The following SLC48A1 variants were observed in gnomAD, a reference collection of about 807,000 sequenced individuals.
SLC48A1 encodes the protein heme transporter HRG1.
Under a neutral mutation model 14.8 loss-of-function variants are expected in SLC48A1, and 6 were observed. The ratio of observed to expected loss-of-function variants is 0.41; its 90% confidence interval spans 0.22 to 0.80. SLC48A1 has a LOEUF of 0.80. Ranked by LOEUF, SLC48A1 falls within the 30% of genes least tolerant of loss-of-function variation. The pLI, the probability that SLC48A1 is intolerant of heterozygous loss-of-function variation, is 0.34. For synonymous variants in SLC48A1, 89 were observed against 90.0 expected, an observed-to-expected ratio of 0.99 and a Z score of 0.06; for missense variants, 165 against 204.8, an observed-to-expected ratio of 0.81 and a Z score of 1.19.
chr12:47,757,650 T>C (rs57483145), upstream of SLC48A1, among the ~76,000 whole-genome samples: 456 of 152,062 alleles, frequency 3.0e-3, 3 homozygotes, highest in African/African-American at 0.011. Context: ...AACAGAGACA[T>C]TTGGGCAGAA....
chr12:47,758,163 T>C, upstream of SLC48A1: 1 of 1,490,168 alleles, frequency 6.7e-7, no homozygotes, highest in Non-Finnish European at 8.9e-7. Flanking sequence ...GCAGAACTAC[T>C]TCCTTAGAGT....
intron 1 of SLC48A1, 67 bp downstream of exon 1, chr12:47,773,507 C>T (rs1942673448): frequency 8.0e-7 from 1 of 1,251,106 alleles, no homozygotes; most frequent in Admixed American, 4.4e-5. Flanking sequence ...TCAGCTGCTC[C>T]AGGACGCTCC....
chr12:47,760,342 T>C, exon 2 of SLC48A1: 1 of 985,482 alleles, frequency 1.0e-6, no homozygotes, highest in Non-Finnish European at 1.2e-6. Flanking sequence ...TCTGGTAATT[T>C]GGAAGAAGGA....
At chr12:47,775,346 C>T (rs1401742829) in intron 1 of SLC48A1, among the ~76,000 whole-genome samples, 2 of 152,224 alleles carry the variant, frequency 1.3e-5, no homozygotes, top group African/African-American at 4.8e-5. Context: ...TGTGGAGCTG[C>T]CTTCAGAGAG....
Position 47,780,203 on chromosome 12 carries a change from G to A in SLC48A1, c.363G>A (p.Lys121=). ...GCGTCTGGAGCTTCATTTCCTTCAA[G>A]TGGGCCTTCCTGCTCAGCCTCTATG... ...LSSVWSFISF[K]WAFLLSLYAH... Residue 121 remains lysine, a synonymous_variant, in exon 3 of 3, where the codon AAG becomes AAA. Coordinates refer to ENST00000442218, the MANE Select transcript of SLC48A1 (RefSeq NM_017842.3). The A allele has an allele frequency of 6.2e-7, 1 of 1,614,056 alleles. No individual in the cohort carries two copies. The highest frequency in any genetic ancestry group is 1.1e-5 in the South Asian group (1 of 91,044).
chr12:47,764,772 T>G (rs1398682650), intron 2 of SLC48A1, among the ~76,000 whole-genome samples: 1 of 152,122 alleles, frequency 6.6e-6, no homozygotes, highest in Non-Finnish European at 1.5e-5. Context: ...TTTCCTCCCT[T>G]CAGAAAGAAC....
At chr12:47,775,812 T>TACCCTCTCCCATCCTGATGGGTAC (rs1942741057) in intron 1 of SLC48A1, among the ~76,000 whole-genome samples, 1 of 152,116 alleles carries the variant, frequency 6.6e-6, no homozygotes, top group East Asian at 1.9e-4. Context: ...CGGGTGGGGA[T>TACCCTCTCCCATCCTGATGGGTAC]ACCCTCTCCC....
chr12:47,779,742 G>A (rs1942826291), intron 2 of SLC48A1, among the ~76,000 whole-genome samples: 1 of 152,214 alleles, frequency 6.6e-6, no homozygotes, highest in South Asian at 2.1e-4. Context: ...TAGGAACCAG[G>A]CCACACAGCA....
chr12:47,774,529 G>T (rs1942698332), intron 1 of SLC48A1, among the ~76,000 whole-genome samples: 1 of 152,148 alleles, frequency 6.6e-6, no homozygotes, highest in Non-Finnish European at 1.5e-5. Flanking sequence ...TACATATGAT[G>T]ATTATATTCC....
chr12:47,759,068 G>A, intron 1 of SLC48A1: 1 of 986,280 alleles, frequency 1.0e-6, no homozygotes, highest in Non-Finnish European at 1.2e-6. Flanking sequence ...ATCCGCCTGA[G>A]CCCAGAGTAT....
Position 47,781,460 on chromosome 12 carries a change from T to G in SLC48A1, c.*1179T>G, listed in dbSNP as rs549241089. 1.9e-5 allele frequency: 3 copies of G among 154,490 alleles called. No homozygotes were observed. Among genetic ancestry groups the G allele is most frequent in the Non-Finnish European group, 2.9e-5 (2 of 69,092 alleles). 9.6% of individuals were successfully genotyped at this position (154,490 alleles called of 1,614,324 possible). Reference sequence around the variant, plus strand: ...CTTTCACCTTTTTACATTTCCCTTCTGAAGGACACAAATCTGCTTTTCTGC... The same window carrying G: ...CTTTCACCTTTTTACATTTCCCTTCGGAAGGACACAAATCTGCTTTTCTGC... On this transcript the variant is annotated 3_prime_UTR_variant, in exon 3 of 3. Coordinates refer to ENST00000442218, the MANE Select transcript of SLC48A1 (RefSeq NM_017842.3).
rs1348806229 is a variant in SLC48A1 at position 47,765,079 on chromosome 12, A to G, written c.-187+4678A>G. Among the ~76,000 whole-genome samples the G allele has an allele frequency of 1.0e-4, 4 of 39,438 alleles. No homozygotes were observed. The Admixed American group carries it at 1.6e-3, about 16-fold the overall frequency. The allele number at this position is 39,438 out of a possible 152,430, so 25.9% of individuals were successfully genotyped here. A position where few individuals can be genotyped will look rare whatever the true frequency, so the allele number is the denominator to read the frequency against. On this transcript the variant is annotated intron_variant, in intron 2 of 4. Coordinates refer to the SLC48A1 transcript ENST00000547002. ...GCAACAGAGTGAGACTCTGTCTCAAAAAAAAAAAAAAAAAAAAAAAAAAAA... is the reference window on the plus strand; with the variant it reads ...GCAACAGAGTGAGACTCTGTCTCAAGAAAAAAAAAAAAAAAAAAAAAAAAA...
intron 1 of SLC48A1, chr12:47,759,090 AGGAGCGGCCCC>A (rs1942277581): frequency 1.0e-6 from 1 of 981,060 alleles, no homozygotes; most frequent in African/African-American, 1.8e-5. Flanking sequence ...CCCAGGGGGC[AGGAGCGGCCCC>A]GAAGTGTGTG....
intron 1 of SLC48A1, chr12:47,758,824 G>T: frequency 8.2e-7 from 1 of 1,222,968 alleles, no homozygotes; most frequent in Non-Finnish European, 1.0e-6. Flanking sequence ...CCGAGCCTGC[G>T]CCTTCGTCTC....
In SLC48A1 at chr12:47,773,415, G is replaced by A. The variant is rs1282075693; in HGVS notation, c.111G>A (p.Gly37=). ...GGACGGTGGTCTACCGACAGCCGGG[G>A]ACCGCGGCCATGGGAGGGCTCGCAG... ...LVWTVVYRQP[G]TAAMGGLAGV... Residue 37 remains glycine (G), a synonymous_variant, in exon 1 of 3, where the codon GGG becomes GGA. Coordinates refer to ENST00000442218, the MANE Select transcript of SLC48A1 (RefSeq NM_017842.3). 8.3e-6 allele frequency: 12 copies of A among 1,444,626 alleles called. No homozygotes were observed. The highest frequency in any genetic ancestry group is 1.0e-5 in the Non-Finnish European group (11 of 1,092,762). 89.5% of individuals were successfully genotyped at this position (1,444,626 alleles called of 1,614,324 possible).
At chr12:47,761,770 T>G (rs1942386143) in intron 2 of SLC48A1, among the ~76,000 whole-genome samples, 1 of 152,190 alleles carries the variant, frequency 6.6e-6, no homozygotes, top group South Asian at 2.1e-4. Flanking sequence ...ATAATAAGAA[T>G]AGTCAACATG....
upstream of SLC48A1, among the ~76,000 whole-genome samples, chr12:47,771,420 G>A (rs1210820917): frequency 6.6e-6 from 1 of 152,136 alleles, no homozygotes; most frequent in Non-Finnish European, 1.5e-5. Flanking sequence ...GGGTGTGGTG[G>A]GTGGGATAAT....
Position 47,773,342 on chromosome 12 carries a change from C to T in SLC48A1, c.38C>T (p.Ala13Val). The T allele has an allele frequency of 1.4e-6, 2 of 1,475,742 alleles. No individual in the cohort carries two copies. The highest frequency in any genetic ancestry group is 1.8e-6 in the Non-Finnish European group (2 of 1,112,670). The allele number at this position is 1,475,742 out of a possible 1,614,324, so 91.4% of individuals were successfully genotyped here. The change falls in exon 1 of 3, where the codon GCC becomes GTC. Residue 13 changes from alanine to valine, a missense_variant. Transcript: ENST00000442218. ...PSRLQLGLRA[A>V]YSGISSVAGF... ...AGGCTGCAGCTCGGCCTCCGCGCCG[C>T]CTACTCCGGCATCAGCTCCGTGGCC...
chr12:47,774,581 C>A (rs1021936730), intron 1 of SLC48A1, among the ~76,000 whole-genome samples: 2 of 152,172 alleles, frequency 1.3e-5, no homozygotes, highest in Non-Finnish European at 2.9e-5. Context: ...AATGGAATAA[C>A]TAAAAATAAC....
Sources: gnomAD v4.1 joint callset for allele counts (sites outside exome capture counted in the v4.1 genomes callset) on GRCh38, gnomAD v4.1.1 for gene constraint, MANE v1.5 for transcripts, NCBI Gene and HGNC (gene_info 2026-07-23, HGNC 2026-07-21) for gene names.